The following LRRN2 variants were observed in gnomAD, a reference collection of about 807,000 sequenced individuals.
LRRN2 encodes leucine-rich repeat neuronal protein 2.
Under a neutral mutation model 35.7 loss-of-function variants are expected in LRRN2, and 10 were observed. The ratio of observed to expected loss-of-function variants is 0.28; its 90% CI spans 0.17 to 0.47. The LOEUF (loss-of-function observed/expected upper bound fraction) is 0.47, where lower values mean the gene tolerates loss of function less well. Among genes scored for constraint, LRRN2 ranks in the 20% least tolerant of loss-of-function variants. The probability of loss-of-function intolerance (pLI) is 0.99; values close to 1 mark genes in which losing one functional copy is unlikely to be tolerated. For synonymous variants in LRRN2, 391 were observed against 409.6 expected, an observed-to-expected ratio of 0.95 and a Z score of 0.55; for missense variants, 731 against 940.3, an observed-to-expected ratio of 0.78 and a Z score of 2.91.
At chr1:204,627,505 C>T (rs1667484613) in intron 1 of LRRN2, 1 of 152,234 alleles carries the variant, frequency 6.6e-6, no homozygotes, top group East Asian at 1.9e-4. Flanking sequence ...TCTGTCTTCC[C>T]AGGTCTCCTG....
chr1:204,685,011 C>T (rs1669037568), intron 1 of LRRN2, among the ~76,000 whole-genome samples: 1 of 152,206 alleles, frequency 6.6e-6, no homozygotes, highest in Non-Finnish European at 1.5e-5. Flanking sequence ...CAGGCGAAGG[C>T]CCAGGCGCCC....
chr1:204,670,016 TTG>T (rs1181379066), intron 1 of LRRN2, among the ~76,000 whole-genome samples: 8 of 152,030 alleles, frequency 5.3e-5, no homozygotes, highest in Non-Finnish European at 1.0e-4. Context: ...GTTTTTTTTT[TTG>T]TTTGTTTGTT....
At chr1:204,626,542 C>T (rs1667375155) in intron 1 of LRRN2, among the ~76,000 whole-genome samples, 1 of 152,162 alleles carries the variant, frequency 6.6e-6, no homozygotes, top group Non-Finnish European at 1.5e-5. Context: ...CCCTGTGACG[C>T]TTTCCCTTAG....
At chr1:204,669,742 C>CAA (rs35243596) in intron 1 of LRRN2, among the ~76,000 whole-genome samples, 104,884 of 151,874 alleles carry the variant, frequency 0.69, 37,840 homozygotes, top group Non-Finnish European at 0.8. Context: ...GCTCAGCAGT[C>CAA]AGAGCTGAAA....
At chr1:204,665,127 C>T (rs1435018053) in intron 1 of LRRN2, among the ~76,000 whole-genome samples, 2 of 151,958 alleles carry the variant, frequency 1.3e-5, no homozygotes, top group African/African-American at 4.8e-5. Context: ...GATAATGCTT[C>T]AACTCCTCCT....
chr1:204,682,429 A>C (rs140555713), intron 1 of LRRN2, among the ~76,000 whole-genome samples: 1 of 152,356 alleles, frequency 6.6e-6, no homozygotes, highest in East Asian at 1.9e-4. Context: ...GCCTTAGTAT[A>C]AGTGTACAAG....
chr1:204,670,062 T>C (rs1326509821), intron 1 of LRRN2, among the ~76,000 whole-genome samples: 1 of 152,086 alleles, frequency 6.6e-6, no homozygotes, highest in Non-Finnish European at 1.5e-5. Flanking sequence ...TTGGCTTCTC[T>C]GACAATTGGA....
intron 1 of LRRN2, among the ~76,000 whole-genome samples, chr1:204,639,049 G>A (rs1667917119): frequency 6.6e-6 from 1 of 152,212 alleles, no homozygotes. Context: ...GGCCCCCTGG[G>A]TAGCTCTGGA....
chr1:204,645,712 G>T (rs1331819696), intron 1 of LRRN2, among the ~76,000 whole-genome samples: 2 of 152,166 alleles, frequency 1.3e-5, no homozygotes, highest in Non-Finnish European at 1.5e-5. Context: ...GGCTGGGGAG[G>T]CCTCAGGAAA....
intron 1 of LRRN2, among the ~76,000 whole-genome samples, chr1:204,685,097 C>A (rs936503784): frequency 6.6e-6 from 1 of 152,204 alleles, no homozygotes; most frequent in Non-Finnish European, 1.5e-5. Flanking sequence ...CCCAAGTCTC[C>A]GGCTCCCCCG....
intron 1 of LRRN2, among the ~76,000 whole-genome samples, chr1:204,667,459 A>G (rs1668597757): frequency 6.6e-6 from 1 of 152,200 alleles, no homozygotes; most frequent in African/African-American, 2.4e-5. Flanking sequence ...AGTTAATATA[A>G]AGCACTTAAA....
chr1:204,620,114 A>G lies in LRRN2; in HGVS notation c.-122T>C. On this transcript the variant is annotated 5_prime_UTR_variant, in exon 2 of 2. An upstream start codon of the reference 5' UTR is lost. Coordinates refer to ENST00000367177, the MANE Select transcript of LRRN2 (RefSeq NM_201630.2). ...AAGGAACCACCCTCCCAGGGCAGTC[A>G]TTCTACACCGGGCGTCACTTCTTGC... 8 of 1,472,758 alleles carry G rather than the reference A, an allele frequency of 5.4e-6. No homozygotes were observed. Among genetic ancestry groups the G allele is most frequent in the Non-Finnish European group, 7.2e-6 (8 of 1,110,320 alleles). The allele number at this position is 1,472,758 out of a possible 1,614,324, so 91.2% of individuals were successfully genotyped here. A position where few individuals can be genotyped will look rare whatever the true frequency, so the allele number is the denominator to read the frequency against.
intron 1 of LRRN2, among the ~76,000 whole-genome samples, chr1:204,623,368 C>A (rs1351209422): frequency 6.6e-6 from 1 of 152,258 alleles, no homozygotes; most frequent in Non-Finnish European, 1.5e-5. Flanking sequence ...GACTGCTGCC[C>A]CTTCCTTCCC....
chr1:204,643,209 C>T (rs1668021287), intron 1 of LRRN2, among the ~76,000 whole-genome samples: 1 of 152,194 alleles, frequency 6.6e-6, no homozygotes, highest in Non-Finnish European at 1.5e-5. Flanking sequence ...GAGACATCGT[C>T]AGAAACTATG....
At chr1:204,654,202 C>G (rs1282753655) in intron 1 of LRRN2, among the ~76,000 whole-genome samples, 3 of 152,088 alleles carry the variant, frequency 2.0e-5, no homozygotes, top group African/African-American at 7.2e-5. Flanking sequence ...ATACTGCCAA[C>G]CCAAAGTCAG....
intron 1 of LRRN2, among the ~76,000 whole-genome samples, chr1:204,634,455 C>T (rs569531345): frequency 1.3e-5 from 2 of 152,248 alleles, no homozygotes; most frequent in South Asian, 2.1e-4. Context: ...TAAACATGAC[C>T]TTATTTGGAA....
intron 1 of LRRN2, among the ~76,000 whole-genome samples, chr1:204,631,256 C>CAATCTATTATATA (rs1282306008): frequency 5.4e-5 from 2 of 36,916 alleles, no homozygotes; most frequent in East Asian, 1.7e-3. Flanking sequence ...CTAGAGTGTT[C>CAATCTATTATATA]TATATATATA....
intron 1 of LRRN2, among the ~76,000 whole-genome samples, chr1:204,633,408 A>G (rs1435497553): frequency 1.3e-5 from 2 of 152,232 alleles, no homozygotes; most frequent in Non-Finnish European, 2.9e-5. Flanking sequence ...TGACTTGTCC[A>G]AGATCACACC....
intron 1 of LRRN2, among the ~76,000 whole-genome samples, chr1:204,675,058 T>C (rs1035833120): frequency 9.2e-5 from 14 of 152,192 alleles, no homozygotes; most frequent in Non-Finnish European, 1.8e-4. Context: ...CAGTCCCGGC[T>C]CATCCACTAA....
Sources: gnomAD v4.1 joint callset for allele counts (sites outside exome capture counted in the v4.1 genomes callset) on GRCh38, gnomAD v4.1.1 for gene constraint, MANE v1.5 for transcripts, NCBI Gene and HGNC (gene_info 2026-07-23, HGNC 2026-07-21) for gene names.